The following SOX6 variants were observed in gnomAD, a reference collection of about 807,000 sequenced individuals.
SOX6 encodes SRY-box transcription factor 6.
Under a neutral mutation model 97.8 loss-of-function variants are expected in SOX6, and 11 were observed. That is an observed-to-expected ratio of 0.11 (90% CI 0.07 to 0.19). SOX6 has a LOEUF of 0.19. Ranked by LOEUF, SOX6 falls within the 10% of genes least tolerant of loss-of-function variation. The pLI, the probability that SOX6 is intolerant of heterozygous loss-of-function variation, is 1.00. For synonymous variants in SOX6, 360 were observed against 371.4 expected, an observed-to-expected ratio of 0.97 and a Z score of 0.35; for missense variants, 810 against 1,039.5, an observed-to-expected ratio of 0.78 and a Z score of 3.04.
Position 16,117,530 on chromosome 11 carries a change from T to C in SOX6, c.778-5607A>G, listed in dbSNP as rs185686295. Among the ~76,000 whole-genome samples, 213 of 152,312 alleles carry C rather than the reference T, an allele frequency of 1.4e-3. 1 individual carries two copies. Among genetic ancestry groups the C allele is most frequent in the African/African-American group, 4.8e-3 (198 of 41,568 alleles). On this transcript the variant is annotated intron_variant, in intron 6 of 15. Transcript: ENST00000683767. ...AACTTTTCCCTCTCATAGCTTTCCA[T>C]GTATTATACTTACTAAAAGATTGTC... is the stretch of plus-strand genomic sequence containing the variant.
At chr11:16,184,480 G>A (rs1398678895) in intron 5 of SOX6, among the ~76,000 whole-genome samples, 2 of 151,948 alleles carry the variant, frequency 1.3e-5, no homozygotes, top group Non-Finnish European at 2.9e-5. Flanking sequence ...AGCTTTTTTT[G>A]TTGATGCTGT....
chr11:16,514,472 T>A (rs1205987374), intron 4 of SOX6, among the ~76,000 whole-genome samples: 1 of 152,152 alleles, frequency 6.6e-6, no homozygotes, highest in East Asian at 1.9e-4. Flanking sequence ...GAAATGTCAC[T>A]AATATTATGG....
chr11:16,340,124 T>A (rs1404373686), intron 2 of SOX6, among the ~76,000 whole-genome samples: 2 of 152,108 alleles, frequency 1.3e-5, no homozygotes, highest in African/African-American at 4.8e-5. Flanking sequence ...AATTTAAATA[T>A]GTGTTATTAG....
chr11:16,515,870 T>C (rs889542198), intron 4 of SOX6, among the ~76,000 whole-genome samples: 2 of 119,144 alleles, frequency 1.7e-5, no homozygotes, highest in African/African-American at 5.9e-5. Context: ...ATATGCGGCG[T>C]TATTTCTGAG....
chr11:16,522,683 G>A (rs1490350290), intron 4 of SOX6, among the ~76,000 whole-genome samples: 1 of 152,090 alleles, frequency 6.6e-6, no homozygotes, highest in Non-Finnish European at 1.5e-5. Context: ...GACACAGACT[G>A]GCAAGTTGGA....
intron 2 of SOX6, among the ~76,000 whole-genome samples, chr11:16,732,775 G>C (rs564260287): frequency 1.1e-4 from 17 of 152,236 alleles, no homozygotes; most frequent in Admixed American, 7.9e-4. Flanking sequence ...CACAGCAAAA[G>C]AAACTATCAT....
intron 1 of SOX6, among the ~76,000 whole-genome samples, chr11:16,388,871 T>C (rs78787249): frequency 6.6e-6 from 1 of 152,160 alleles, no homozygotes; most frequent in Non-Finnish European, 1.5e-5. Flanking sequence ...TTGCTTGGAG[T>C]TTGCTGAACT....
intron 1 of SOX6, among the ~76,000 whole-genome samples, chr11:16,363,466 A>T (rs1857261124): frequency 1.3e-5 from 2 of 152,146 alleles, no homozygotes; most frequent in South Asian, 4.1e-4. Context: ...AAAGTCTGAA[A>T]CTTGAAACTC....
chr11:16,627,215 G>A (rs1340639473), intron 3 of SOX6, among the ~76,000 whole-genome samples: 3 of 152,166 alleles, frequency 2.0e-5, no homozygotes, highest in Admixed American at 2.0e-4. Context: ...TCTTTATCCA[G>A]TCCACCGTTG....
intron 3 of SOX6, among the ~76,000 whole-genome samples, chr11:16,628,267 G>A (rs1301266138): frequency 1.3e-5 from 2 of 151,996 alleles, no homozygotes; most frequent in African/African-American, 4.8e-5. Flanking sequence ...AGATTGCTTT[G>A]GCTACTTGGG....
At chr11:16,606,194 C>G (rs1257212098) in intron 4 of SOX6, among the ~76,000 whole-genome samples, 1 of 151,280 alleles carries the variant, frequency 6.6e-6, no homozygotes, top group African/African-American at 2.4e-5. Flanking sequence ...GCCTGCCTTT[C>G]TCTTTCTCTC....
chr11:16,160,928 G>A (rs552169184), intron 6 of SOX6, among the ~76,000 whole-genome samples: 7 of 152,230 alleles, frequency 4.6e-5, no homozygotes, highest in South Asian at 2.1e-4. Flanking sequence ...ATCCAAAACC[G>A]ATGATACTAG....
chr11:16,528,279 A>C (rs1455214308), intron 4 of SOX6, among the ~76,000 whole-genome samples: 1 of 152,156 alleles, frequency 6.6e-6, no homozygotes, highest in Non-Finnish European at 1.5e-5. Context: ...CACACTTACT[A>C]TATTCCAATC....
intron 4 of SOX6, among the ~76,000 whole-genome samples, chr11:16,520,885 C>T (rs774189289): frequency 1.9e-4 from 29 of 152,230 alleles, no homozygotes; most frequent in Non-Finnish European, 3.8e-4. Flanking sequence ...GCTAGCACAG[C>T]AGTGTGAGAT....
At chr11:16,223,033 ACAGT>A (rs1247354445) in intron 4 of SOX6, among the ~76,000 whole-genome samples, 2 of 152,160 alleles carry the variant, frequency 1.3e-5, no homozygotes, top group Non-Finnish European at 2.9e-5. Flanking sequence ...TTCCTACTGC[ACAGT>A]CAACGTCTGT....
intron 3 of SOX6, among the ~76,000 whole-genome samples, chr11:16,241,090 A>C (rs1228819278): frequency 6.6e-6 from 1 of 152,008 alleles, no homozygotes; most frequent in African/African-American, 2.4e-5. Flanking sequence ...TCCTATGCAC[A>C]CTCACTTATG....
chr11:16,540,745 C>A (rs1425026978), intron 4 of SOX6, among the ~76,000 whole-genome samples: 1 of 152,040 alleles, frequency 6.6e-6, no homozygotes, highest in Non-Finnish European at 1.5e-5. Flanking sequence ...AATAAAATAC[C>A]AAAGAATCCA....
intron 9 of SOX6, 53 bp downstream of exon 9, chr11:16,095,943 G>C (rs201429348): frequency 9.2e-6 from 12 of 1,306,786 alleles, no homozygotes; most frequent in Non-Finnish European, 1.1e-5. Context: ...CCTAGAGTAT[G>C]ACTGAACAAT....
At chr11:16,685,351 G>T (rs962760252) in intron 3 of SOX6, among the ~76,000 whole-genome samples, 1 of 152,078 alleles carries the variant, frequency 6.6e-6, no homozygotes, top group African/African-American at 2.4e-5. Flanking sequence ...TTCTAACCAT[G>T]AGCCTGTAAA....
Sources: gnomAD v4.1 joint callset for allele counts (sites outside exome capture counted in the v4.1 genomes callset) on GRCh38, gnomAD v4.1.1 for gene constraint, MANE v1.5 for transcripts, NCBI Gene and HGNC (gene_info 2026-07-23, HGNC 2026-07-21) for gene names.